Variants in DIP2C observed in about 807,000 individuals in gnomAD.
DIP2C encodes the protein DIP2 acetate--CoA ligase C (putative).
In DIP2C, 33 loss-of-function variants were observed where a neutral mutation model predicts 192.4. The observed-to-expected ratio is 0.17, with a 90% CI of 0.13 to 0.23. The LOEUF is 0.23. DIP2C is among the 10% of genes least tolerant of loss of function. The pLI is 1.00. For synonymous variants in DIP2C, 979 were observed against 864.1 expected (o/e 1.13, Z -2.33); for missense variants, 1,537 against 2,110.1 (o/e 0.73, Z 5.32).
Position 689,130 on chromosome 10 carries a change from C to G in DIP2C, c.85+364G>C, listed in dbSNP as rs577400810. ...GCATCCTGCGTCCCCGCGCGGCGCC[C>G]AGGCCCCACAGACACCCCCAGGGCG... On this transcript the variant is annotated intron_variant, in intron 1 of 36. Coordinates refer to ENST00000280886, the MANE Select transcript of DIP2C (RefSeq NM_014974.3). This position sits in a 1 kb window ranked among gnomAD's most constrained non-coding sequence, Gnocchi z 6.1. Among the ~76,000 whole-genome samples the G allele has an allele frequency of 6.6e-6, 1 of 152,202 alleles. No homozygotes were observed. Among genetic ancestry groups the G allele is most frequent in the East Asian group, 1.9e-4 (1 of 5,160 alleles).
At chr10:476,458 G>A (rs761286464) in intron 2 of DIP2C, among the ~76,000 whole-genome samples, 27 of 152,294 alleles carry the variant, frequency 1.8e-4, no homozygotes, top group African/African-American at 3.4e-4. Flanking sequence ...CTGCAGCCCT[G>A]GCCTAAGCAT....
chr10:576,569 T>A (rs76616726), intron 1 of DIP2C, among the ~76,000 whole-genome samples: 3 of 152,260 alleles, frequency 2.0e-5, no homozygotes, highest in East Asian at 3.9e-4. Flanking sequence ...CTACTCCAAT[T>A]TAATACAACC....
At chr10:619,532 C>CGCCAGGACCAA (rs1853715058) in intron 1 of DIP2C, among the ~76,000 whole-genome samples, 9 of 40,724 alleles carry the variant, frequency 2.2e-4, no homozygotes, top group African/African-American at 8.4e-4. Flanking sequence ...GGACCAAGCC[C>CGCCAGGACCAA]GCCCGCCCGC....
intron 29 of DIP2C, among the ~76,000 whole-genome samples, chr10:336,839 T>C (rs540128275): frequency 3.3e-5 from 5 of 151,982 alleles, no homozygotes; most frequent in African/African-American, 1.2e-4. Context: ...GCTGTGTGTG[T>C]GTGTGTTGTG....
At position 605,220 on chromosome 10, in the gene DIP2C, G is replaced by A. The variant is rs150851788; in HGVS notation, c.85+84274C>T. On this transcript the variant is annotated intron_variant, in intron 1 of 36. Coordinates refer to ENST00000280886, the MANE Select transcript of DIP2C (RefSeq NM_014974.3). ...TCAGAACCTTCTAGATGAAAGCAAC[G>A]TGTTCCTTTTAAAATGGGGAACGGG... 6.9e-4 allele frequency among the ~76,000 whole-genome samples: 105 copies of A among 152,286 alleles called. 2 individuals are homozygous for A. The highest frequency in any genetic ancestry group is 2.4e-3 in the African/African-American group (98 of 41,554).
chr10:449,698 G>A (rs1001597605), intron 3 of DIP2C, among the ~76,000 whole-genome samples: 3 of 150,378 alleles, frequency 2.0e-5, no homozygotes, highest in Non-Finnish European at 4.4e-5. Context: ...ACGTTGGTGG[G>A]TGCAGCGCAC....
Position 415,752 on chromosome 10 carries a change from G to A in DIP2C, c.859+17C>T, listed in dbSNP as rs1381627748. 1.2e-6 allele frequency: 2 copies of A among 1,613,538 alleles called. No individual in the cohort carries two copies. The highest frequency in any genetic ancestry group is 1.7e-6 in the Non-Finnish European group (2 of 1,179,734). On this transcript the variant is annotated intron_variant, in intron 7 of 36. Coordinates refer to ENST00000280886, the MANE Select transcript of DIP2C (RefSeq NM_014974.3). ...TAGGAGCATCTGGAAGAAACGTGTG[G>A]TAAAGAGTTCTCTCACCTTCTAATA...
Position 648,932 on chromosome 10 carries a change from G to A in DIP2C, c.85+40562C>T, listed in dbSNP as rs932070020. On this transcript the variant is annotated intron_variant, in intron 1 of 36. Coordinates refer to ENST00000280886, the MANE Select transcript of DIP2C (RefSeq NM_014974.3). ...AGTCCACGTCCACATTGGATGGTGG[G>A]AGAGAACAGAGGCAAACTGAGTCCA... is the stretch of plus-strand genomic sequence containing the variant. 2.7e-5 allele frequency among the ~76,000 whole-genome samples: 4 copies of A among 150,514 alleles called. 1 individual carries two copies. The highest frequency in any genetic ancestry group is 5.9e-5 in the Non-Finnish European group (4 of 67,496).
At chr10:413,569 G>T (rs564780880) in intron 8 of DIP2C, among the ~76,000 whole-genome samples, 1 of 152,296 alleles carries the variant, frequency 6.6e-6, no homozygotes, top group South Asian at 2.1e-4. Context: ...TTTTCCTAAA[G>T]AGTTTCTTGA....
At chr10:423,101 G>T in intron 4 of DIP2C, 68 bp from the exon 5 acceptor site, 2 of 1,405,390 alleles carry the variant, frequency 1.4e-6, no homozygotes, top group Non-Finnish European at 1.9e-6. Flanking sequence ...TCAGTCCCTC[G>T]CCAAACACAG....
intron 1 of DIP2C, chr10:650,853 G>A: frequency 1.4e-6 from 1 of 716,750 alleles, no homozygotes; most frequent in Non-Finnish European, 2.6e-6. Flanking sequence ...ACTTGTGAGA[G>A]GTCCGTGGCA....
intron 3 of DIP2C, among the ~76,000 whole-genome samples, chr10:453,858 G>A (rs1969059926): frequency 6.6e-6 from 1 of 152,216 alleles, no homozygotes. Flanking sequence ...AGCTGTCGGA[G>A]CTGGGGGTGA....
chr10:307,554 G>C (rs1001635387), intron 32 of DIP2C, among the ~76,000 whole-genome samples: 1 of 152,182 alleles, frequency 6.6e-6, no homozygotes, highest in Non-Finnish European at 1.5e-5. Context: ...GAGGGCATCG[G>C]AGAGCAAGAC....
intron 1 of DIP2C, among the ~76,000 whole-genome samples, chr10:616,881 G>A (rs1413411513): frequency 6.6e-6 from 1 of 152,222 alleles, no homozygotes; most frequent in South Asian, 2.1e-4. Flanking sequence ...GCTCTGAAAA[G>A]ACAGATTCAG....
chr10:368,608 C>T (rs897388421), intron 18 of DIP2C, among the ~76,000 whole-genome samples: 2 of 152,216 alleles, frequency 1.3e-5, no homozygotes, highest in Non-Finnish European at 2.9e-5. Context: ...CTGGCCCTAG[C>T]GCAGCTCACC....
chr10:341,923 G>A (rs888394417), intron 28 of DIP2C, among the ~76,000 whole-genome samples: 43 of 152,144 alleles, frequency 2.8e-4, no homozygotes, highest in African/African-American at 1.0e-3. Context: ...ACAAATGCAC[G>A]ATACCTGGCC....
intron 1 of DIP2C, among the ~76,000 whole-genome samples, chr10:548,763 T>C (rs1455753212): frequency 6.6e-6 from 1 of 151,814 alleles, no homozygotes; most frequent in Non-Finnish European, 1.5e-5. Flanking sequence ...TGTGCCTGAT[T>C]TATGGATGAC....
intron 1 of DIP2C, among the ~76,000 whole-genome samples, chr10:583,193 C>T (rs1206507803): frequency 2.0e-5 from 3 of 152,232 alleles, no homozygotes; most frequent in African/African-American, 7.2e-5. Context: ...GAACGTTGTA[C>T]TCCAAGTGCA....
At chr10:306,215 CCTCA>C (rs1186291854) in intron 32 of DIP2C, among the ~76,000 whole-genome samples, 2 of 151,904 alleles carry the variant, frequency 1.3e-5, no homozygotes, top group Admixed American at 6.6e-5. Context: ...GAGTGTGTCC[CCTCA>C]CTCTATGATG....
Sources: allele counts gnomAD v4.1 joint callset (sites outside exome capture counted in the v4.1 genomes callset), GRCh38; gene constraint gnomAD v4.1.1; non-coding constraint Gnocchi (gnomAD v3.1); transcripts MANE v1.5; gene names NCBI Gene and HGNC (gene_info 2026-07-23, HGNC 2026-07-21).